The following CCDC141 variants were observed in gnomAD, a reference collection of about 807,000 sequenced individuals.
The protein encoded by CCDC141 is coiled-coil domain-containing protein 141.
A neutral mutation model predicts 181.0 loss-of-function variants in CCDC141; 168 were observed. The ratio of observed to expected loss-of-function variants is 0.93; its 90% confidence interval spans 0.82 to 1.05. CCDC141 has a LOEUF of 1.05. Among genes scored for constraint, CCDC141 ranks in the 50% least tolerant of loss-of-function variants. The pLI is 0.00. For missense variants in CCDC141, 1,902 were observed against 1,788.5 expected, an observed-to-expected ratio of 1.06 and a Z score of -1.14; for synonymous variants, 666 against 642.3, an observed-to-expected ratio of 1.04 and a Z score of -0.56.
At position 178,981,650 on chromosome 2, in the gene CCDC141, A is replaced by ATATATATATG. The variant is rs377733700; in HGVS notation, c.226-2976_226-2975insCATATATATA. Among the ~76,000 whole-genome samples the ATATATATATG allele has an allele frequency of 2.1e-3, 273 of 127,236 alleles. 7 individuals are homozygous for ATATATATATG. The highest frequency in any genetic ancestry group is 9.5e-3 in the South Asian group (37 of 3,912). 83.5% of individuals were successfully genotyped at this position (127,236 alleles called of 152,430 possible). On this transcript the variant is annotated intron_variant, in intron 2 of 23. Coordinates refer to ENST00000443758, the MANE Select transcript of CCDC141 (RefSeq NM_173648.4). The stretch of plus-strand genomic sequence containing the variant: ...TGTGTGTGTGTGTATATATATATAT[A>ATATATATATG]TATATATACATACATATATACATAT...
At chr2:178,988,032 C>T (rs1479337466) in intron 2 of CCDC141, among the ~76,000 whole-genome samples, 57 of 151,194 alleles carry the variant, frequency 3.8e-4, no homozygotes, top group East Asian at 2.3e-3. Flanking sequence ...ATGTTTACTG[C>T]GGCACTATTC....
intron 8 of CCDC141, among the ~76,000 whole-genome samples, chr2:178,904,198 A>G (rs893381598): frequency 4.6e-5 from 7 of 152,212 alleles, no homozygotes; most frequent in African/African-American, 1.7e-4. Flanking sequence ...GAAACTTAGT[A>G]AAAAACGTAG....
downstream of CCDC141, chr2:178,829,607 G>T (rs1443379196): frequency 1.3e-5 from 2 of 152,180 alleles, no homozygotes; most frequent in Non-Finnish European, 2.9e-5. Flanking sequence ...TAAGCACAGA[G>T]AAAATGAATT....
chr2:178,877,796 G>T, intron 12 of CCDC141, 168 bp downstream of exon 12: 1 of 683,698 alleles, frequency 1.5e-6, no homozygotes, highest in Non-Finnish European at 2.6e-6. Flanking sequence ...TCTAGGCCAA[G>T]CAAGCATTTA....
At chr2:178,867,970 C>T (rs199999416) in intron 16 of CCDC141, 56 bp downstream of exon 16, 16 of 1,423,972 alleles carry the variant, frequency 1.1e-5, no homozygotes, top group Non-Finnish European at 1.4e-5. Flanking sequence ...CTTTCATATG[C>T]TAGCCCAAGC....
chr2:178,936,167 G>T (rs1032553595), intron 6 of CCDC141, among the ~76,000 whole-genome samples: 2 of 152,018 alleles, frequency 1.3e-5, no homozygotes, highest in African/African-American at 4.8e-5. Context: ...TGAACTCTTT[G>T]CCTATTCCTA....
chr2:178,829,415 G>A (rs1684177270), downstream of CCDC141, among the ~76,000 whole-genome samples: 1 of 152,198 alleles, frequency 6.6e-6, no homozygotes, highest in Non-Finnish European at 1.5e-5. Context: ...ACCCTGAGGA[G>A]GGTCATGCCT....
chr2:178,872,363 C>T (rs766794088), intron 12 of CCDC141, 51 bp from the exon 13 acceptor site: 1 of 1,496,066 alleles, frequency 6.7e-7, no homozygotes, highest in South Asian at 1.3e-5. Context: ...AGAGATACAG[C>T]TTTTTGTTGT....
At chr2:178,979,774 C>A (rs1691284994) in intron 2 of CCDC141, among the ~76,000 whole-genome samples, 1 of 152,084 alleles carries the variant, frequency 6.6e-6, no homozygotes. Flanking sequence ...ACTCATGAAC[C>A]TTTGTATCTG....
chr2:178,975,313 T>C (rs1691073502), intron 3 of CCDC141, 148 bp from the exon 4 acceptor site: 1 of 521,814 alleles, frequency 1.9e-6, no homozygotes, highest in East Asian at 2.9e-5. Flanking sequence ...TGTGTTTGTG[T>C]GTGTTTTGGC....
chr2:178,851,430 G>T (rs1056102032), intron 20 of CCDC141, among the ~76,000 whole-genome samples: 7 of 152,094 alleles, frequency 4.6e-5, no homozygotes, highest in African/African-American at 1.7e-4. Flanking sequence ...CTTTAAAGAG[G>T]TGGTTAAATT....
chr2:178,947,164 A>C (rs577305818), intron 5 of CCDC141, among the ~76,000 whole-genome samples: 1 of 152,328 alleles, frequency 6.6e-6, no homozygotes, highest in African/African-American at 2.4e-5. Flanking sequence ...ATATTCTGCC[A>C]CCCAGTAAAT....
chr2:179,000,196 TG>T (rs1235881672), intron 2 of CCDC141, among the ~76,000 whole-genome samples: 1 of 152,074 alleles, frequency 6.6e-6, no homozygotes, highest in Non-Finnish European at 1.5e-5. Context: ...AAGGTAAGAA[TG>T]GCTTTTGCAT....
chr2:178,974,111 G>C (rs1691018422), intron 4 of CCDC141, among the ~76,000 whole-genome samples: 1 of 152,116 alleles, frequency 6.6e-6, no homozygotes, highest in Non-Finnish European at 1.5e-5. Context: ...TTTAATCTTT[G>C]AGTTTTAGAA....
intron 2 of CCDC141, among the ~76,000 whole-genome samples, chr2:179,040,735 T>G (rs556003431): frequency 7.9e-5 from 12 of 152,344 alleles, no homozygotes; most frequent in Admixed American, 3.3e-4. Context: ...TATGGCTACA[T>G]CATATTCCAT....
intron 7 of CCDC141, among the ~76,000 whole-genome samples, chr2:178,910,902 T>C (rs771076574): frequency 6.6e-6 from 1 of 152,210 alleles, no homozygotes; most frequent in Admixed American, 6.5e-5. Flanking sequence ...AGGTTTGGGA[T>C]TGAAAGTGGT....
intron 20 of CCDC141, 44 bp downstream of exon 20, chr2:178,853,397 T>C (rs754504220): frequency 3.0e-5 from 48 of 1,577,118 alleles, no homozygotes; most frequent in Non-Finnish European, 4.1e-5. Flanking sequence ...TCAGTATAGA[T>C]TTGTTCAATG....
At chr2:178,825,246 C>T (rs1684106223), downstream of CCDC141, 1 of 152,058 alleles carries the variant, frequency 6.6e-6, no homozygotes, top group Admixed American at 6.5e-5. Flanking sequence ...GCTTAGGTTT[C>T]TAAGAAGAAA....
chr2:178,942,575 A>G (rs55883940), intron 6 of CCDC141, among the ~76,000 whole-genome samples: 25,821 of 152,154 alleles, frequency 0.17, 2,304 homozygotes, highest in Middle Eastern at 0.23. Flanking sequence ...ATGATGTTCA[A>G]TCATTCAATA....
Sources: gnomAD v4.1 joint callset for allele counts (sites outside exome capture counted in the v4.1 genomes callset) on GRCh38, gnomAD v4.1.1 for gene constraint, MANE v1.5 for transcripts, NCBI Gene and HGNC (gene_info 2026-07-23, HGNC 2026-07-21) for gene names.